DPP8: variants seen among roughly 807,000 people sequenced by gnomAD.
The protein encoded by DPP8 is dipeptidyl peptidase 8, also known as DPP VIII.
Under a neutral mutation model 107.5 loss-of-function variants are expected in DPP8, and 31 were observed. The ratio of observed to expected loss-of-function variants is 0.29; its 90% confidence interval spans 0.22 to 0.39. The LOEUF is 0.39. DPP8 is among the 10% of genes least tolerant of loss of function. The probability of loss-of-function intolerance (pLI) is 1.00; values close to 1 mark genes in which losing one functional copy is unlikely to be tolerated. For missense variants in DPP8, 842 were observed against 1,076.1 expected (o/e 0.78, Z 3.04); for synonymous variants, 381 against 356.6 (o/e 1.07, Z -0.77).
chr15:65,485,057 A>C, intron 8 of DPP8, 42 bp downstream of exon 8: 1 of 1,464,752 alleles, frequency 6.8e-7, no homozygotes, highest in Non-Finnish European at 9.6e-7. Flanking sequence ...TGAATAGATT[A>C]GTCAAATGAC....
In DPP8 at chr15:65,446,848, G is replaced by C. The variant is rs1453416499; in HGVS notation, c.*36C>G. The C allele has an allele frequency of 6.4e-7, 1 of 1,557,144 alleles. No homozygotes were observed. Among genetic ancestry groups the C allele is most frequent in the African/African-American group, 1.4e-5 (1 of 71,476 alleles). On this transcript the variant is annotated 3_prime_UTR_variant, in exon 20 of 20. Transcript: ENST00000300141. ...TTAAACCTCCTCATTTGGTTAAATA[G>C]CCAGTGTATACCAGAGAGTTCTACA...
At chr15:65,479,281 A>G (rs2066681891) in intron 10 of DPP8, among the ~76,000 whole-genome samples, 1 of 152,206 alleles carries the variant, frequency 6.6e-6, no homozygotes, top group Non-Finnish European at 1.5e-5. Flanking sequence ...GAAAAATATG[A>G]CCAAAAGTTT....
At chr15:65,511,568 A>G (rs2070771327) in intron 2 of DPP8, among the ~76,000 whole-genome samples, 2 of 145,594 alleles carry the variant, frequency 1.4e-5, no homozygotes, top group African/African-American at 5.1e-5. Context: ...TGAGCCTGGG[A>G]GGTCAAGGCT....
Position 65,480,375 on chromosome 15 carries a change from G to A in DPP8, c.1143C>T (p.Arg381=). 1 of 1,613,136 alleles carries A rather than the reference G, an allele frequency of 6.2e-7. No individual in the cohort carries two copies. Among genetic ancestry groups the A allele is most frequent in the Non-Finnish European group, 8.5e-7 (1 of 1,179,632 alleles). Residue 381 remains arginine, a synonymous_variant, in exon 10 of 20, where the codon CGC becomes CGT. Transcript: ENST00000300141. ...ACACTATCTGTAGGCGAGTCTGGGA[G>A]CGATCTAGTAGGATGGACCAAGCAC... is the stretch of plus-strand genomic sequence containing the variant. ...GKYAWSILLD[R]SQTRLQIVLI... is the part of the protein sequence containing the mutation.
intron 14 of DPP8, among the ~76,000 whole-genome samples, chr15:65,466,163 A>G (rs962964292): frequency 1.3e-5 from 2 of 151,998 alleles, no homozygotes; most frequent in African/African-American, 4.8e-5. Context: ...TGTTGAGACA[A>G]GGTCTTGCTT....
At chr15:65,453,950 A>C (rs2064185975) in intron 17 of DPP8, among the ~76,000 whole-genome samples, 1 of 151,932 alleles carries the variant, frequency 6.6e-6, no homozygotes, top group African/African-American at 2.4e-5. Flanking sequence ...TCTACTTTAA[A>C]AAAAATAAAA....
intron 14 of DPP8, among the ~76,000 whole-genome samples, chr15:65,464,130 G>A (rs541338008): frequency 2.6e-4 from 39 of 152,266 alleles, no homozygotes; most frequent in African/African-American, 9.1e-4. Flanking sequence ...TTGGGAGGCC[G>A]AGGCAGGTGG....
intron 6 of DPP8, among the ~76,000 whole-genome samples, chr15:65,488,729 A>G (rs776626019): frequency 2.0e-5 from 3 of 152,076 alleles, no homozygotes; most frequent in South Asian, 4.1e-4. Flanking sequence ...TCTATACAGT[A>G]TATGTATTAG....
At chr15:65,515,267 T>C (rs1690904208) in intron 1 of DPP8, among the ~76,000 whole-genome samples, 3 of 152,358 alleles carry the variant, frequency 2.0e-5, no homozygotes, top group South Asian at 2.1e-4. Context: ...ATCTTTCTTA[T>C]GCAAAATGTA....
chr15:65,475,196 T>C, intron 11 of DPP8: 1 of 453,108 alleles, frequency 2.2e-6, no homozygotes, highest in Non-Finnish European at 4.1e-6. Context: ...TGCAGTGATA[T>C]TTCTGCCAGG....
At chr15:65,451,169 T>G (rs1240295236) in intron 18 of DPP8, 59 bp from the exon 19 acceptor site, 20 of 961,786 alleles carry the variant, frequency 2.1e-5, no homozygotes, top group Non-Finnish European at 3.0e-5. Flanking sequence ...GGGAAAACCA[T>G]TTCACTTATT....
At chr15:65,508,576 G>A (rs1197325712) in intron 2 of DPP8, among the ~76,000 whole-genome samples, 3 of 152,150 alleles carry the variant, frequency 2.0e-5, no homozygotes, top group African/African-American at 7.2e-5. Context: ...TTACTGGCCG[G>A]CCGAGGTGGC....
chr15:65,481,967 A>AAT (rs34958127), intron 8 of DPP8, among the ~76,000 whole-genome samples: 189 of 148,952 alleles, frequency 1.3e-3, no homozygotes, highest in South Asian at 4.0e-3. Flanking sequence ...TTCACCTAGA[A>AAT]ATATATATAT....
chr15:65,461,508 G>A (rs1263525673), intron 15 of DPP8, among the ~76,000 whole-genome samples: 2 of 152,056 alleles, frequency 1.3e-5, no homozygotes, highest in African/African-American at 2.4e-5. Flanking sequence ...ACTGGGAGGG[G>A]AAAATCTTCT....
chr15:65,455,922 A>G (rs1465572026), intron 16 of DPP8: 3 of 1,099,106 alleles, frequency 2.7e-6, no homozygotes, highest in African/African-American at 1.6e-5. Flanking sequence ...ACAAATCTCA[A>G]TTATTCCTCA....
At chr15:65,498,345 C>G (rs2068814232) in intron 4 of DPP8, among the ~76,000 whole-genome samples, 1 of 151,956 alleles carries the variant, frequency 6.6e-6, no homozygotes, top group South Asian at 2.1e-4. Flanking sequence ...TTGCTTGAAC[C>G]TGGGAGGTGG....
chr15:65,488,341 C>T (rs968296779), intron 6 of DPP8, among the ~76,000 whole-genome samples: 2 of 151,982 alleles, frequency 1.3e-5, no homozygotes, highest in East Asian at 1.9e-4. Context: ...TAGCTCCAAA[C>T]CATGAGTAGG....
intron 2 of DPP8, among the ~76,000 whole-genome samples, chr15:65,508,387 G>A (rs189783964): frequency 6.6e-6 from 1 of 152,148 alleles, no homozygotes; most frequent in Admixed American, 6.5e-5. Context: ...AAAGGAAAAA[G>A]GTCTAAATTA....
At chr15:65,503,457 T>C (rs1443142787) in intron 3 of DPP8, among the ~76,000 whole-genome samples, 1 of 151,678 alleles carries the variant, frequency 6.6e-6, no homozygotes, top group Non-Finnish European at 1.5e-5. Flanking sequence ...CTTTTTTTTT[T>C]TGAGACAGAG....
Sources: allele counts gnomAD v4.1 joint callset (sites outside exome capture counted in the v4.1 genomes callset), GRCh38; gene constraint gnomAD v4.1.1; transcripts MANE v1.5; gene names NCBI Gene and HGNC (gene_info 2026-07-23, HGNC 2026-07-21).